The following RBFOX1 variants were observed in gnomAD, a reference collection of about 807,000 sequenced individuals.
The protein encoded by RBFOX1 is RNA binding protein fox-1 homolog 1.
RBFOX1 carries 8 observed loss-of-function variants against 57.7 expected under a neutral mutation model. That is an observed-to-expected ratio of 0.14 (90% confidence interval 0.08 to 0.25). RBFOX1 has a LOEUF of 0.25. Ranked by LOEUF, RBFOX1 falls within the 10% of genes least tolerant of loss-of-function variation. The probability of loss-of-function intolerance (pLI) is 1.00; values close to 1 mark genes in which losing one functional copy is unlikely to be tolerated. For synonymous variants in RBFOX1, 326 were observed against 222.4 expected, an observed-to-expected ratio of 1.47 and a Z score of -4.15; for missense variants, 611 against 548.5, an observed-to-expected ratio of 1.11 and a Z score of -1.14.
chr16:6,507,706 G>C (rs558557303), intron 2 of RBFOX1, among the ~76,000 whole-genome samples: 20 of 152,116 alleles, frequency 1.3e-4, no homozygotes, highest in Admixed American at 6.6e-4. Context: ...TGCTAAGAGA[G>C]ATAAGATAGT....
At chr16:6,522,862 T>G (rs750375492) in intron 2 of RBFOX1, among the ~76,000 whole-genome samples, 14 of 152,238 alleles carry the variant, frequency 9.2e-5, no homozygotes, top group Middle Eastern at 6.8e-3. Flanking sequence ...AACTTCTCTC[T>G]CTAGCCACAC....
chr16:7,110,449 G>A (rs1489726093), intron 4 of RBFOX1, among the ~76,000 whole-genome samples: 1 of 152,152 alleles, frequency 6.6e-6, no homozygotes, highest in Non-Finnish European at 1.5e-5. Flanking sequence ...AATATGAGTG[G>A]AGACAAGACT....
chr16:5,684,209 C>G (rs1254810963), intron 3 of RBFOX1, among the ~76,000 whole-genome samples: 3 of 152,086 alleles, frequency 2.0e-5, no homozygotes, highest in Admixed American at 6.6e-5. Context: ...GCGCCCTCTT[C>G]GAGGGCTGAC....
chr16:6,944,621 G>A (rs575157274), intron 3 of RBFOX1, among the ~76,000 whole-genome samples: 1 of 152,034 alleles, frequency 6.6e-6, no homozygotes, highest in South Asian at 2.1e-4. Context: ...TTCAGCCTCT[G>A]TCTAGTTTTT....
intron 4 of RBFOX1, among the ~76,000 whole-genome samples, chr16:5,981,238 G>A (rs1404365449): frequency 1.3e-5 from 2 of 152,228 alleles, no homozygotes; most frequent in Admixed American, 1.3e-4. Flanking sequence ...CAACAGGAAA[G>A]ACAGGGATTG....
At chr16:7,397,491 A>G (rs1228735247) in intron 4 of RBFOX1, among the ~76,000 whole-genome samples, 1 of 152,200 alleles carries the variant, frequency 6.6e-6, no homozygotes, top group African/African-American at 2.4e-5. Flanking sequence ...AGATCCACAT[A>G]AAAATGAAAA....
intron 2 of RBFOX1, among the ~76,000 whole-genome samples, chr16:5,511,428 G>A (rs2043588445): frequency 6.6e-6 from 1 of 151,860 alleles, no homozygotes; most frequent in Admixed American, 6.6e-5. Context: ...TTTTCATTTT[G>A]TCCTTTGTCG....
At chr16:6,067,345 G>A (rs2095779330) in intron 1 of RBFOX1, among the ~76,000 whole-genome samples, 1 of 142,144 alleles carries the variant, frequency 7.0e-6, no homozygotes, top group Non-Finnish European at 1.5e-5. Flanking sequence ...GCTTCATTTT[G>A]TTAATAGCAG....
At chr16:7,379,892 C>A (rs2097758210) in intron 4 of RBFOX1, among the ~76,000 whole-genome samples, 1 of 152,000 alleles carries the variant, frequency 6.6e-6, no homozygotes, top group South Asian at 2.1e-4. Context: ...TTGCCTTTAT[C>A]ACCCACCTGA....
intron 1 of RBFOX1, among the ~76,000 whole-genome samples, chr16:5,251,614 C>A (rs930983559): frequency 5.3e-5 from 8 of 152,144 alleles, no homozygotes; most frequent in Non-Finnish European, 1.0e-4. Context: ...ATTAAAGCCA[C>A]TTCCAGGCAA....
At chr16:7,075,135 A>C (rs1366056361) in intron 4 of RBFOX1, among the ~76,000 whole-genome samples, 3 of 152,210 alleles carry the variant, frequency 2.0e-5, no homozygotes, top group African/African-American at 7.2e-5. Flanking sequence ...GAGGCTGTGC[A>C]GTTGATCTTA....
At chr16:7,491,145 C>T (rs116067349) in intron 4 of RBFOX1, among the ~76,000 whole-genome samples, 1 of 152,076 alleles carries the variant, frequency 6.6e-6, no homozygotes, top group Non-Finnish European at 1.5e-5. Flanking sequence ...CTAAGATATT[C>T]AAATCATGAG....
intron 1 of RBFOX1, among the ~76,000 whole-genome samples, chr16:5,423,552 T>TGTTGCTGCGTGTCTCTGAGGCC (rs2067420094): frequency 6.6e-6 from 1 of 152,202 alleles, no homozygotes; most frequent in African/African-American, 2.4e-5. Flanking sequence ...TACCCTGGGC[T>TGTTGCTGCGTGTCTCTGAGGCC]GTTGCTGCGT....
chr16:5,914,071 CT>C (rs2058657721), intron 4 of RBFOX1, among the ~76,000 whole-genome samples: 1 of 152,212 alleles, frequency 6.6e-6, no homozygotes, highest in South Asian at 2.1e-4. Context: ...TAACCCACAA[CT>C]TTCATGAGAT....
At chr16:6,272,780 A>G (rs190068152) in intron 1 of RBFOX1, among the ~76,000 whole-genome samples, 4 of 152,322 alleles carry the variant, frequency 2.6e-5, no homozygotes, top group Non-Finnish European at 5.9e-5. Context: ...AAATAGACCT[A>G]CATAAGTATG....
chr16:6,898,906 TG>T (rs2067686715), intron 3 of RBFOX1, among the ~76,000 whole-genome samples: 1 of 128,512 alleles, frequency 7.8e-6, no homozygotes, highest in African/African-American at 4.7e-5. Flanking sequence ...ATCTCGTATG[TG>T]TTTGTGCATA....
chr16:5,453,899 G>T (rs2068503431), intron 1 of RBFOX1, among the ~76,000 whole-genome samples: 1 of 152,210 alleles, frequency 6.6e-6, no homozygotes, highest in African/African-American at 2.4e-5. Context: ...GGGAGATTTT[G>T]TTGGGGTGGT....
chr16:6,671,227 A>G (rs1319380475), intron 3 of RBFOX1, among the ~76,000 whole-genome samples: 1 of 152,206 alleles, frequency 6.6e-6, no homozygotes, highest in East Asian at 1.9e-4. Context: ...AACAACCTAA[A>G]TGCTTAATCT....
intron 1 of RBFOX1, among the ~76,000 whole-genome samples, chr16:5,256,480 T>G (rs187681567): frequency 1.8e-4 from 28 of 152,338 alleles, no homozygotes; most frequent in African/African-American, 6.7e-4. Flanking sequence ...AAACCACATC[T>G]GCTTCTCTCC....
Sources: allele counts gnomAD v4.1 joint callset (sites outside exome capture counted in the v4.1 genomes callset), GRCh38; gene constraint gnomAD v4.1.1; transcripts MANE v1.5; gene names NCBI Gene and HGNC (gene_info 2026-07-23, HGNC 2026-07-21).